Variants in AKAP12 observed in about 807,000 individuals in gnomAD.
The protein encoded by AKAP12 is A-kinase anchoring protein 12, also known as A-kinase anchor protein 12.
AKAP12 carries 32 observed loss-of-function variants against 79.9 expected under a neutral mutation model. The ratio of observed to expected loss-of-function variants is 0.40; its 90% CI spans 0.30 to 0.54. AKAP12 has a LOEUF of 0.54. AKAP12 is among the 20% of genes least tolerant of loss of function. The pLI is 0.48. For missense variants in AKAP12, 2,074 were observed against 2,177.0 expected (o/e 0.95, Z 0.94); for synonymous variants, 808 against 857.0 (o/e 0.94, Z 1.00).
At chr6:151,286,500 C>T (rs918922315) in intron 2 of AKAP12, among the ~76,000 whole-genome samples, 2 of 152,146 alleles carry the variant, frequency 1.3e-5, no homozygotes, top group Admixed American at 6.5e-5. Flanking sequence ...TTGCATTCTT[C>T]GGAAACAGAA....
intron 2 of AKAP12, among the ~76,000 whole-genome samples, chr6:151,271,507 A>C (rs1776180893): frequency 6.6e-6 from 1 of 151,774 alleles, no homozygotes; most frequent in African/African-American, 2.4e-5. Context: ...TTTTTTGTAG[A>C]GATGGGGTCT....
chr6:151,288,967 C>A (rs1776561657), intron 2 of AKAP12, among the ~76,000 whole-genome samples: 1 of 152,148 alleles, frequency 6.6e-6, no homozygotes. Context: ...TAATGGATTC[C>A]TGTTAGAATG....
intron 3 of AKAP12, among the ~76,000 whole-genome samples, chr6:151,314,766 C>T (rs1724113259): frequency 6.6e-6 from 1 of 152,054 alleles, no homozygotes; most frequent in African/African-American, 2.4e-5. Context: ...AGAATTAGGC[C>T]CTTTTCTGCT....
intron 2 of AKAP12, among the ~76,000 whole-genome samples, chr6:151,245,050 A>G (rs1483169930): frequency 2.6e-5 from 4 of 152,214 alleles, no homozygotes; most frequent in Non-Finnish European, 5.9e-5. Context: ...AGATTATTCT[A>G]GTTTGGATCT....
At chr6:151,335,244 A>G (rs1364173400) in intron 3 of AKAP12, among the ~76,000 whole-genome samples, 1 of 152,190 alleles carries the variant, frequency 6.6e-6, no homozygotes, top group Non-Finnish European at 1.5e-5. Context: ...TCTGTATTTT[A>G]AAGTCTTCTA....
At chr6:151,331,212 A>C (rs967659397) in intron 3 of AKAP12, among the ~76,000 whole-genome samples, 33 of 148,864 alleles carry the variant, frequency 2.2e-4, no homozygotes, top group Admixed American at 2.2e-3. Flanking sequence ...TTTCACATTT[A>C]TTTGACTCCG....
chr6:151,278,698 C>T (rs1338677874), intron 2 of AKAP12, among the ~76,000 whole-genome samples: 1 of 151,304 alleles, frequency 6.6e-6, no homozygotes, highest in Non-Finnish European at 1.5e-5. Context: ...GACAGAGTCT[C>T]GCTCTGTCAC....
At chr6:151,339,926 CT>C (rs756696884) in intron 3 of AKAP12, among the ~76,000 whole-genome samples, 49 of 146,552 alleles carry the variant, frequency 3.3e-4, no homozygotes, top group South Asian at 4.4e-4. Flanking sequence ...ACTAATTTTT[CT>C]TTTTTTTTTT....
intron 2 of AKAP12, among the ~76,000 whole-genome samples, chr6:151,244,566 C>T (rs1797035464): frequency 2.0e-5 from 3 of 152,016 alleles, no homozygotes; most frequent in South Asian, 2.1e-4. Context: ...ACAATTGAGG[C>T]GGCCAGCTGC....
intron 2 of AKAP12, among the ~76,000 whole-genome samples, chr6:151,301,352 C>T (rs1363403287): frequency 6.6e-6 from 1 of 152,080 alleles, no homozygotes; most frequent in Non-Finnish European, 1.5e-5. Flanking sequence ...ACACGTGTTC[C>T]CCATTATTTT....
intron 3 of AKAP12, among the ~76,000 whole-genome samples, chr6:151,316,260 A>T (rs1231735407): frequency 6.6e-6 from 1 of 152,232 alleles, no homozygotes; most frequent in Non-Finnish European, 1.5e-5. Context: ...AGTGTTAACC[A>T]GTGCATGCAT....
chr6:151,342,165 C>T (rs1723051428), intron 3 of AKAP12, among the ~76,000 whole-genome samples: 1 of 152,230 alleles, frequency 6.6e-6, no homozygotes, highest in Non-Finnish European at 1.5e-5. Context: ...AAGTTGCCCT[C>T]ACTGTAAGGC....
intron 3 of AKAP12, chr6:151,341,747 C>G: frequency 7.8e-7 from 1 of 1,279,964 alleles, no homozygotes; most frequent in Non-Finnish European, 1.0e-6. Context: ...CACGGAATCC[C>G]GAGGGCCACC....
At chr6:151,320,757 C>G (rs1053997126) in intron 3 of AKAP12, among the ~76,000 whole-genome samples, 2 of 152,176 alleles carry the variant, frequency 1.3e-5, no homozygotes, top group Non-Finnish European at 2.9e-5. Flanking sequence ...TTCTAAATCA[C>G]AGTCAAATTC....
intron 2 of AKAP12, among the ~76,000 whole-genome samples, chr6:151,281,126 G>A (rs1776398971): frequency 6.6e-6 from 1 of 152,114 alleles, no homozygotes; most frequent in Non-Finnish European, 1.5e-5. Context: ...AAAGTAGAAG[G>A]GGCATGTGCG....
At chr6:151,250,342 C>A (rs1176147836) in intron 2 of AKAP12, among the ~76,000 whole-genome samples, 4 of 145,548 alleles carry the variant, frequency 2.7e-5, no homozygotes, top group African/African-American at 1.0e-4. Flanking sequence ...ACTAAAAATA[C>A]AAAAAAGTTA....
rs745679381 is a variant in AKAP12, at chr6:151,351,200, T to C, written c.2809T>C (p.Leu937=). ...AGCCGCACTGTTAACTGAGGAGGTATTGGAAAGAGAAGTAATTGCAGAAGA... is the reference window on the plus strand; with the variant it reads ...AGCCGCACTGTTAACTGAGGAGGTACTGGAAAGAGAAGTAATTGCAGAAGA... ...AEAALLTEEV[L]EREVIAEEEP... is the part of the protein sequence containing the mutation. The change falls in exon 4 of 5, where the codon TTG becomes CTG. Residue 937 remains leucine, a synonymous_variant. Coordinates refer to ENST00000402676, the MANE Select transcript of AKAP12 (RefSeq NM_005100.4). This position sits in a 1 kb window ranked among gnomAD's most constrained non-coding sequence, Gnocchi z 4.4. 4 of 1,614,066 alleles carry C rather than the reference T, an allele frequency of 2.5e-6. No individual in the cohort carries two copies. Among genetic ancestry groups the C allele is most frequent in the African/African-American group, 1.3e-5 (1 of 74,994 alleles).
chr6:151,312,793 C>CAAAAAAAAAAAA (rs55685824), intron 3 of AKAP12, among the ~76,000 whole-genome samples: 1,252 of 72,842 alleles, frequency 0.017, 34 homozygotes, highest in Non-Finnish European at 0.027. Context: ...ACTCTGTCTC[C>CAAAAAAAAAAAA]AAAAAAAAAA....
intron 2 of AKAP12, among the ~76,000 whole-genome samples, chr6:151,261,711 A>G (rs1009889653): frequency 2.0e-5 from 3 of 150,824 alleles, no homozygotes; most frequent in Non-Finnish European, 4.4e-5. Flanking sequence ...AAAACAAACA[A>G]GAACAACAGT....
Sources: allele counts gnomAD v4.1 joint callset (sites outside exome capture counted in the v4.1 genomes callset), GRCh38; gene constraint gnomAD v4.1.1; non-coding constraint Gnocchi (gnomAD v3.1); transcripts MANE v1.5; gene names NCBI Gene and HGNC (gene_info 2026-07-23, HGNC 2026-07-21).